KAZN: variants seen among roughly 807,000 people sequenced by gnomAD.
The protein encoded by KAZN is kazrin, periplakin interacting protein.
A neutral mutation model predicts 87.4 loss-of-function variants in KAZN; 40 were observed. The observed-to-expected ratio is 0.46, with a 90% CI of 0.36 to 0.60. The LOEUF is 0.60. KAZN is among the 20% of genes least tolerant of loss of function. The pLI, the probability that KAZN is intolerant of heterozygous loss-of-function variation, is 0.00. For synonymous variants in KAZN, 466 were observed against 458.3 expected, an observed-to-expected ratio of 1.02 and a Z score of -0.22; for missense variants, 898 against 1,073.9, an observed-to-expected ratio of 0.84 and a Z score of 2.29.
intron 2 of KAZN, among the ~76,000 whole-genome samples, chr1:14,989,761 G>A (rs1478730216): frequency 6.6e-6 from 1 of 152,212 alleles, no homozygotes; most frequent in African/African-American, 2.4e-5. Flanking sequence ...GAAGAGCCGA[G>A]TGAGTGCTGA....
intron 1 of KAZN, among the ~76,000 whole-genome samples, chr1:13,950,505 CTGAGT>C (rs1641305341): frequency 1.3e-5 from 2 of 152,164 alleles, no homozygotes; most frequent in African/African-American, 4.8e-5. Flanking sequence ...AATGAGTTGT[CTGAGT>C]TATCTACTTG....
chr1:14,895,334 A>T (rs775292406), intron 1 of KAZN, among the ~76,000 whole-genome samples: 1 of 152,234 alleles, frequency 6.6e-6, no homozygotes, highest in Non-Finnish European at 1.5e-5. Flanking sequence ...CAGGAAACGC[A>T]GACCGCCCTT....
chr1:15,006,063 C>G (rs1431518222), intron 2 of KAZN, among the ~76,000 whole-genome samples: 2 of 152,226 alleles, frequency 1.3e-5, no homozygotes, highest in East Asian at 1.9e-4. Flanking sequence ...GTGTCAGAGA[C>G]AGTTCCCACC....
Position 14,745,724 on chromosome 1 carries a change from G to A in KAZN, c.226+146501G>A, listed in dbSNP as rs949133130. On this transcript the variant is annotated intron_variant, in intron 1 of 14. Transcript: ENST00000376030. ...CTTAATCATCACTAGAATTATTACC[G>A]CTAATAAGATCAACGACTGATCCAT... Among the ~76,000 whole-genome samples the A allele has an allele frequency of 4.6e-5, 7 of 152,122 alleles. No homozygotes were observed. In the South Asian group the frequency reaches 6.2e-4, roughly 14 times the overall value.
intron 1 of KAZN, among the ~76,000 whole-genome samples, chr1:14,788,099 A>G (rs759454558): frequency 6.6e-6 from 1 of 152,208 alleles, no homozygotes; most frequent in Non-Finnish European, 1.5e-5. Flanking sequence ...AGACAGCAAC[A>G]GCAGAGCATT....
chr1:14,042,910 AT>A (rs551342053), intron 1 of KAZN, among the ~76,000 whole-genome samples: 3 of 152,188 alleles, frequency 2.0e-5, no homozygotes, highest in South Asian at 4.2e-4. Context: ...TAACTTAAAC[AT>A]TTTTTTCTTA....
intron 2 of KAZN, among the ~76,000 whole-genome samples, chr1:14,387,558 T>TG (rs1662036766): frequency 6.6e-6 from 1 of 152,134 alleles, no homozygotes; most frequent in African/African-American, 2.4e-5. Context: ...GCAGGTCTGT[T>TG]GGAGTACCCG....
At chr1:14,457,849 G>A (rs189543150) in intron 2 of KAZN, among the ~76,000 whole-genome samples, 17 of 146,640 alleles carry the variant, frequency 1.2e-4, no homozygotes, top group East Asian at 4.0e-4. Context: ...ACGGAATCTC[G>A]CTGTGTCGCC....
intron 2 of KAZN, among the ~76,000 whole-genome samples, chr1:14,586,233 G>A (rs1251477929): frequency 1.3e-5 from 2 of 152,186 alleles, no homozygotes; most frequent in Non-Finnish European, 2.9e-5. Context: ...CTCATATTAA[G>A]CTTAGAAGCT....
chr1:14,160,660 C>G (rs1012680225), intron 1 of KAZN, among the ~76,000 whole-genome samples: 1 of 152,116 alleles, frequency 6.6e-6, no homozygotes, highest in Non-Finnish European at 1.5e-5. Flanking sequence ...TCGGTGGAGT[C>G]TTCTATTGCA....
intron 2 of KAZN, among the ~76,000 whole-genome samples, chr1:15,001,753 AT>A (rs1668498022): frequency 1.3e-5 from 2 of 151,786 alleles, no homozygotes; most frequent in African/African-American, 4.8e-5. Context: ...TGTTCCCAAA[AT>A]GTTAATCATT....
intron 1 of KAZN, among the ~76,000 whole-genome samples, chr1:14,605,007 C>G (rs920365059): frequency 6.6e-6 from 1 of 152,216 alleles, no homozygotes; most frequent in African/African-American, 2.4e-5. Context: ...CCAATATTAC[C>G]TCTGCTCTAC....
intron 1 of KAZN, among the ~76,000 whole-genome samples, chr1:14,828,367 AAT>A (rs909888261): frequency 6.6e-6 from 1 of 152,246 alleles, no homozygotes; most frequent in Non-Finnish European, 1.5e-5. Flanking sequence ...ATAAACAATA[AAT>A]ATGTTGCAAA....
rs1668956868 is a variant in KAZN, at chr1:14,479,600, T to C, written c.250-119383T>C. Among the ~76,000 whole-genome samples, 3 of 152,184 alleles carry C rather than the reference T, an allele frequency of 2.0e-5. 1 individual carries two copies. In the South Asian group the frequency reaches 6.2e-4, roughly 32 times the overall value. On this transcript the variant is annotated intron_variant, in intron 2 of 16. Transcript: ENST00000636203. The stretch of plus-strand genomic sequence containing the variant: ...CATTCCTTTTCTAGACTAATTCATC[T>C]TTTGAAACTTTTCCCTGACAATCCT...
At chr1:14,198,195 C>T (rs572872073) in intron 2 of KAZN, among the ~76,000 whole-genome samples, 66 of 152,180 alleles carry the variant, frequency 4.3e-4, no homozygotes, top group Admixed American at 7.2e-4. Flanking sequence ...GAATTTTATT[C>T]CAAGAGCAAT....
intron 7 of KAZN, among the ~76,000 whole-genome samples, chr1:15,065,027 C>CTTTTTTTTTTTT (rs780410306): frequency 5.2e-4 from 53 of 102,738 alleles, no homozygotes; most frequent in East Asian, 2.3e-3. Flanking sequence ...CTTTTTCTTT[C>CTTTTTTTTTTTT]TTTTTTTTTT....
At chr1:14,677,858 G>C (rs1357710936) in intron 1 of KAZN, among the ~76,000 whole-genome samples, 2 of 152,214 alleles carry the variant, frequency 1.3e-5, no homozygotes, top group Non-Finnish European at 2.9e-5. Flanking sequence ...GAGTACAGCA[G>C]CCCCTCAGGG....
chr1:14,824,371 TA>T (rs1646822653), intron 1 of KAZN, among the ~76,000 whole-genome samples: 1 of 152,136 alleles, frequency 6.6e-6, no homozygotes, highest in South Asian at 2.1e-4. Flanking sequence ...ACACTGTCAA[TA>T]AAAGTGCATT....
At chr1:14,790,085 C>T (rs1197895172) in intron 1 of KAZN, among the ~76,000 whole-genome samples, 1 of 152,066 alleles carries the variant, frequency 6.6e-6, no homozygotes, top group Non-Finnish European at 1.5e-5. Context: ...TCACCGCAAC[C>T]TCCGCCTCCC....
Sources: allele counts gnomAD v4.1 joint callset (sites outside exome capture counted in the v4.1 genomes callset), GRCh38; gene constraint gnomAD v4.1.1; transcripts MANE v1.5; gene names NCBI Gene and HGNC (gene_info 2026-07-23, HGNC 2026-07-21).